Variants in SCARF2 observed in about 807,000 individuals in gnomAD.
The protein encoded by SCARF2 is scavenger receptor expressed by endothelial cells 2 protein.
In SCARF2, 39 loss-of-function variants were observed where a neutral mutation model predicts 73.4. The observed-to-expected ratio is 0.53, with a 90% CI of 0.41 to 0.69. The LOEUF (loss-of-function observed/expected upper bound fraction) is 0.69, where lower values mean the gene tolerates loss of function less well. SCARF2 is among the 30% of genes least tolerant of loss of function. The pLI, the probability that SCARF2 is intolerant of heterozygous loss-of-function variation, is 0.00. For missense variants in SCARF2, 1,148 were observed against 1,303.5 expected (o/e 0.88, Z 1.84); for synonymous variants, 605 against 590.0 (o/e 1.03, Z -0.37).
chr22:20,426,235 C>T lies in SCARF2; in HGVS notation c.1741G>A (p.Glu581Lys), dbSNP rs772315504. Residue 581 changes from glutamate to lysine, a missense_variant, in exon 11 of 11, where the codon GAG (glutamate) becomes AAG (lysine). Glu to Lys is a moderately conservative substitution (Grantham distance 56). Coordinates refer to ENST00000622235, the MANE Select transcript of SCARF2 (RefSeq NM_182895.5). ...RDPEVPTVPAEAPAPSPVPLT... is the reference protein window; with the variant it reads ...RDPEVPTVPAKAPAPSPVPLT... ...GGCACAGGGGACGGCGCCGGCGCCT[C>T]GGCAGGGACAGTGGGGACTTCGGGG... 3 of 1,535,598 alleles carry T rather than the reference C, an allele frequency of 2.0e-6. No homozygotes were observed. The highest frequency in any genetic ancestry group is 3.9e-5 in the Admixed American group (2 of 50,678).
chr22:20,432,125 C>A, intron 1 of SCARF2, 137 bp from the exon 2 acceptor site: 2 of 893,084 alleles, frequency 2.2e-6, no homozygotes, highest in South Asian at 1.4e-5. Flanking sequence ...TTAATGAGGT[C>A]CTGCCAGGCA....
rs1346555963 is a variant in SCARF2, at chr22:20,425,834, G to A, written c.2142C>T (p.Pro714=). Residue 714 remains proline, a synonymous_variant, in exon 11 of 11, where the codon CCC becomes CCT. Transcript: ENST00000622235. The surrounding 1 kb of genome is among the most constrained non-coding windows in gnomAD (Gnocchi z 4.6). ...GCCGCGGCGTTGGGTCGCGGGTCCGGGGGCTGCCGTGTTCGACCGTATGCG... is the reference window on the plus strand; with the variant it reads ...GCCGCGGCGTTGGGTCGCGGGTCCGAGGGCTGCCGTGTTCGACCGTATGCG... ...KSAHTVEHGS[P]RTRDPTPRPP... The A allele has an allele frequency of 6.4e-7, 1 of 1,568,170 alleles. No individual in the cohort carries two copies.
chr22:20,431,464 G>A lies in SCARF2; in HGVS notation c.408C>T (p.Asp136=), dbSNP rs765986802. 4 of 1,565,034 alleles carry A rather than the reference G, an allele frequency of 2.6e-6. No homozygotes were observed. Among genetic ancestry groups the A allele is most frequent in the Middle Eastern group, 1.7e-4 (1 of 6,034 alleles). Reference sequence around the variant, plus strand: ...CGTGACAAGTACACTGGCCTGTCACGTCCTCGCACTGCCCGTGTGGGTGGC... The same window carrying A: ...CGTGACAAGTACACTGGCCTGTCACATCCTCGCACTGCCCGTGTGGGTGGC... The part of the protein sequence containing the change: ...CSCHPHGQCE[D]VTGQCTCHAR... Residue 136 remains aspartate (D), a synonymous_variant, in exon 4 of 11, where the codon GAC becomes GAT. Coordinates refer to ENST00000622235, the MANE Select transcript of SCARF2 (RefSeq NM_182895.5).
chr22:20,429,888 ACCCTCAC>A lies in SCARF2; in HGVS notation c.1203-62_1203-56del, dbSNP rs779860617. 7,844 of 1,554,070 alleles carry A rather than the reference ACCCTCAC, an allele frequency of 5.0e-3. 33 individuals are homozygous for A. The highest frequency in any genetic ancestry group is 5.8e-3 in the Non-Finnish European group (6,678 of 1,142,804). ...CAGCCGCCCCCCTAGGATGCCCCCT[ACCCTCAC>A]CCCTCACCCGCGGCCAGGGCCCAGG... On this transcript the variant is annotated intron_variant, in intron 6 of 10. Transcript: ENST00000622235. This position sits in a 1 kb window ranked among gnomAD's most constrained non-coding sequence, Gnocchi z 5.2.
Position 20,431,400 on chromosome 22 carries a change from A to G in SCARF2, c.472T>C (p.Cys158Arg). Residue 158 changes from cysteine (C) to arginine (R), a missense_variant, in exon 4 of 11, where the codon TGC becomes CGC. Cys to Arg is a radical substitution (Grantham distance 180, BLOSUM62 -3). Around this residue, in one of 5 missense-constraint regions of SCARF2, gnomAD observed 372 missense variants for 532.0 expected, o/e 0.70. Transcript: ENST00000622235. Reference protein sequence around the residue: ...WGARCEHACQCQHGTCHPRSG... With the variant: ...WGARCEHACQRQHGTCHPRSG... Reference sequence around the variant, plus strand: ...CGCGGGTGGCACGTGCCGTGCTGGCACTGGCACGCATGCTCGCAGCGCGCG... The same window carrying G: ...CGCGGGTGGCACGTGCCGTGCTGGCGCTGGCACGCATGCTCGCAGCGCGCG... 1 of 1,535,334 alleles carries G rather than the reference A, an allele frequency of 6.5e-7. No homozygotes were observed. The highest frequency in any genetic ancestry group is 8.7e-7 in the Non-Finnish European group (1 of 1,146,762).
In SCARF2 at chr22:20,437,562, C is replaced by G; in HGVS notation, c.173+20G>C. ...CAGAGCGTCCCTCTCGCCCCCTCCC[C>G]CAGCCAGGCCGGCTCCTACCCGGGA... On this transcript the variant is annotated intron_variant, in intron 1 of 10. Transcript: ENST00000622235. The G allele has an allele frequency of 6.4e-7, 1 of 1,566,480 alleles. No individual in the cohort carries two copies. The highest frequency in any genetic ancestry group is 8.6e-7 in the Non-Finnish European group (1 of 1,164,062).
At position 20,425,713 on chromosome 22, in the gene SCARF2, C is replaced by T. The variant is rs565576900; in HGVS notation, c.2263G>A (p.Asp755Asn). ...GCGCTTCGCGGGGGACCGCCGGCGT[C>T]CGTGGGCTCCAAGAGGCCGGGGCCG... ...GRGPGLLEPT[D>N]AGGPPRSAPE... is the part of the protein sequence containing the mutation. The change falls in exon 11 of 11, where the codon GAC becomes AAC. Residue 755 changes from aspartate to asparagine, a missense_variant. Physicochemically the swap from Asp to Asn is conservative, Grantham distance 23 (BLOSUM62 1). Transcript: ENST00000622235. The surrounding 1 kb of genome is among the most constrained non-coding windows in gnomAD (Gnocchi z 4.6). The T allele has an allele frequency of 4.6e-5, 57 of 1,227,696 alleles. 1 individual carries two copies. The South Asian group carries it at 2.0e-3, about 43-fold the overall frequency. 76.1% of individuals were successfully genotyped at this position (1,227,696 alleles called of 1,614,324 possible). A position where few individuals can be genotyped will look rare whatever the true frequency, so the allele number is the denominator to read the frequency against.
In SCARF2 at chr22:20,429,363, G is replaced by A; in HGVS notation, c.1425-23C>T. ...TCCCTGCGGGGGCGGGGTCTGAGCG[G>A]AGGGGCGGGGCCGGGGCGGGGCCCA... On this transcript the variant is annotated intron_variant, in intron 8 of 10. Coordinates refer to ENST00000622235, the MANE Select transcript of SCARF2 (RefSeq NM_182895.5). This position sits in a 1 kb window ranked among gnomAD's most constrained non-coding sequence, Gnocchi z 5.2. 1 of 1,586,396 alleles carries A rather than the reference G, an allele frequency of 6.3e-7. No homozygotes were observed. The highest frequency in any genetic ancestry group is 8.6e-7 in the Non-Finnish European group (1 of 1,164,358).
Position 20,424,920 on chromosome 22 carries a change from T to C in SCARF2, c.*455A>G, listed in dbSNP as rs1407063842. 1 of 156,058 alleles carries C rather than the reference T, an allele frequency of 6.4e-6. No homozygotes were observed. The highest frequency in any genetic ancestry group is 1.9e-4 in the East Asian group (1 of 5,356). 9.7% of individuals were successfully genotyped at this position (156,058 alleles called of 1,614,324 possible). On this transcript the variant is annotated 3_prime_UTR_variant, in exon 11 of 11. Coordinates refer to ENST00000622235, the MANE Select transcript of SCARF2 (RefSeq NM_182895.5). ...CAGTGGAAGTAGCCCCGGGCTCTAT[T>C]GGGACGGCCAAGGGAGGGAGCCTCC...
Position 20,427,508 on chromosome 22 carries a change from A to G in SCARF2, c.1583T>C (p.Leu528Pro). 6.2e-7 allele frequency: 1 copy of G among 1,613,918 alleles called. No homozygotes were observed. The highest frequency in any genetic ancestry group is 1.1e-5 in the South Asian group (1 of 91,072). Residue 528 changes from leucine (L) to proline (P), a missense_variant, in exon 10 of 11, where the codon CTG becomes CCG. By Grantham distance (98) the Leu-to-Pro change is moderately conservative (BLOSUM62 -3). Around this residue, in one of 5 missense-constraint regions of SCARF2, gnomAD observed 437 missense variants for 433.6 expected, o/e 1.01. Transcript: ENST00000622235. ...DLDNTLNCSF[L>P]EPPSGLEQPS... The stretch of plus-strand genomic sequence containing the variant: ...CTGCTCCAGCCCTGAGGGTGGCTCC[A>G]GGAAGCTGCAGTTGAGTGTGTTATC...
rs746783745 is a variant in SCARF2, at chr22:20,429,335, A to G, written c.1430T>C (p.Leu477Pro). Reference protein sequence around the residue: ...CRGKDPTRRELSLGRKKAPHR... With the variant: ...CRGKDPTRREPSLGRKKAPHR... ...CGGCGCCTTCTTCCTCCCAAGCGAA[A>G]GCTCCCTGCGGGGGCGGGGTCTGAG... The change falls in exon 9 of 11, where the codon CTT (leucine) becomes CCT (proline). Residue 477 changes from leucine to proline, a missense_variant. This residue lies in a region of SCARF2 where 437 missense variants were observed against 433.6 expected (regional missense o/e 1.01). Coordinates refer to ENST00000622235, the MANE Select transcript of SCARF2 (RefSeq NM_182895.5). This position sits in a 1 kb window ranked among gnomAD's most constrained non-coding sequence, Gnocchi z 5.2. 6.4e-7 allele frequency: 1 copy of G among 1,565,704 alleles called. No individual in the cohort carries two copies. Among genetic ancestry groups the G allele is most frequent in the Non-Finnish European group, 8.7e-7 (1 of 1,149,976 alleles).
chr22:20,426,420 C>T, intron 10 of SCARF2, 138 bp from the exon 11 acceptor site: 1 of 875,624 alleles, frequency 1.1e-6, no homozygotes, highest in Non-Finnish European at 1.7e-6. Flanking sequence ...ACGTGCCTGG[C>T]ACAGAGCACC....
rs1855180427 is a variant in SCARF2, at chr22:20,425,045, G to T, written c.*330C>A. 3.4e-6 allele frequency: 1 copy of T among 293,660 alleles called. No homozygotes were observed. The highest frequency in any genetic ancestry group is 5.2e-5 in the Admixed American group (1 of 19,264). 18.2% of individuals were successfully genotyped at this position (293,660 alleles called of 1,614,324 possible). The stretch of plus-strand genomic sequence containing the variant: ...GTAGCCCTAACCAAGTCCACTCCTG[G>T]CCAGTAAGAGGCGGTCTTTAAGCGG... On this transcript the variant is annotated 3_prime_UTR_variant, in exon 11 of 11. Transcript: ENST00000622235. This position sits in a 1 kb window ranked among gnomAD's most constrained non-coding sequence, Gnocchi z 4.6.
chr22:20,433,404 T>TG (rs1187786615), intron 1 of SCARF2, among the ~76,000 whole-genome samples: 1 of 152,096 alleles, frequency 6.6e-6, no homozygotes, highest in Non-Finnish European at 1.5e-5. Context: ...CGGAAGGTGG[T>TG]GGGGGGCGGA....
intron 10 of SCARF2, 59 bp from the exon 11 acceptor site, chr22:20,426,341 C>T: frequency 1.3e-6 from 2 of 1,517,190 alleles, no homozygotes; most frequent in Non-Finnish European, 1.8e-6. Flanking sequence ...GGGCTCCAAC[C>T]TCCAGGCGCA....
At chr22:20,434,600 G>T (rs2052679872) in intron 1 of SCARF2, among the ~76,000 whole-genome samples, 1 of 152,210 alleles carries the variant, frequency 6.6e-6, no homozygotes, top group African/African-American at 2.4e-5. Flanking sequence ...ACTCTCTGAA[G>T]ATCTTACAAA....
Position 20,429,327 on chromosome 22 carries a change from C to T in SCARF2, c.1438G>A (p.Gly480Arg), listed in dbSNP as rs777864101. The T allele has an allele frequency of 6.2e-7, 1 of 1,610,358 alleles. No homozygotes were observed. Among genetic ancestry groups the T allele is most frequent in the Admixed American group, 1.7e-5 (1 of 59,918 alleles). Reference sequence around the variant, plus strand: ...AGTCGGTGCGGCGCCTTCTTCCTCCCAAGCGAAAGCTCCCTGCGGGGGCGG... The same window carrying T: ...AGTCGGTGCGGCGCCTTCTTCCTCCTAAGCGAAAGCTCCCTGCGGGGGCGG... ...KDPTRRELSL[G>R]RKKAPHRLCG... is the part of the protein sequence containing the mutation. Residue 480 changes from glycine to arginine, a missense_variant, in exon 9 of 11, where the codon GGG becomes AGG. Coordinates refer to ENST00000622235, the MANE Select transcript of SCARF2 (RefSeq NM_182895.5). The surrounding 1 kb of genome is among the most constrained non-coding windows in gnomAD (Gnocchi z 5.2).
chr22:20,431,177 C>T lies in SCARF2; in HGVS notation c.695G>A (p.Arg232His), dbSNP rs766709237. 4 of 1,564,998 alleles carry T rather than the reference C, an allele frequency of 2.6e-6. No homozygotes were observed. In the African/African-American group the frequency reaches 5.4e-5, roughly 21 times the overall value. ...CEQQSGRCQC[R>H]ERTFGARCDR... ...GCAGCGCGCGCCGAACGTACGCTCG[C>T]GGCACTGACAGCGGCCGCTCTGCTG... The change falls in exon 4 of 11, where the codon CGC (arginine) becomes CAC (histidine). Residue 232 changes from arginine (R) to histidine (H), a missense_variant. Physicochemically the swap from Arg to His is conservative, Grantham distance 29. Transcript: ENST00000622235.
intron 1 of SCARF2, among the ~76,000 whole-genome samples, chr22:20,435,387 GCCC>G (rs939038004): frequency 6.6e-5 from 10 of 152,038 alleles, no homozygotes; most frequent in African/African-American, 2.2e-4. Context: ...TCCACCCCCT[GCCC>G]CCCAGGGTGC....
Sources: allele counts gnomAD v4.1 joint callset (sites outside exome capture counted in the v4.1 genomes callset), GRCh38; gene constraint gnomAD v4.1.1; regional missense constraint gnomAD v4.1.1; non-coding constraint Gnocchi (gnomAD v3.1); transcripts MANE v1.5; gene names NCBI Gene and HGNC (gene_info 2026-07-23, HGNC 2026-07-21).